ACSF3: variants seen among roughly 807,000 people sequenced by gnomAD.
ACSF3 encodes the protein acyl-CoA synthetase family member 3, also known as malonate--CoA ligase ACSF3, mitochondrial.
ACSF3 carries 78 observed loss-of-function variants against 53.2 expected under a neutral mutation model. That is an observed-to-expected ratio of 1.47 (90% confidence interval 1.22 to 1.77). ACSF3 has a LOEUF of 1.77. ACSF3 is among the 40% of genes most tolerant of loss of function. ACSF3 has a pLI of 0.00. For synonymous variants in ACSF3, 414 were observed against 333.1 expected (o/e 1.24, Z -2.65); for missense variants, 937 against 771.1 (o/e 1.22, Z -2.55).
intron 8 of ACSF3, among the ~76,000 whole-genome samples, chr16:89,138,283 T>C (rs1567735249): frequency 3.3e-5 from 5 of 152,316 alleles, no homozygotes; most frequent in Admixed American, 3.3e-4. Context: ...GCTGTTCCTG[T>C]AGCTGTCCCC....
At chr16:89,110,373 C>T (rs554045700) in intron 4 of ACSF3, among the ~76,000 whole-genome samples, 3 of 152,296 alleles carry the variant, frequency 2.0e-5, no homozygotes, top group African/African-American at 4.8e-5. Flanking sequence ...TGGAGATATT[C>T]AGTGTGTCAG....
At chr16:89,134,428 G>T (rs780742595) in intron 8 of ACSF3, among the ~76,000 whole-genome samples, 1 of 152,304 alleles carries the variant, frequency 6.6e-6, no homozygotes, top group South Asian at 2.1e-4. Flanking sequence ...TGGGTGCCTC[G>T]CTGGATCAGG....
rs1914599470 is a variant in ACSF3 at position 89,155,296 on chromosome 16, TGAAA to T, written c.*1092_*1095del. 2.2e-6 allele frequency: 1 copy of T among 453,850 alleles called. No individual in the cohort carries two copies. Among genetic ancestry groups the T allele is most frequent in the Non-Finnish European group, 4.4e-6 (1 of 226,646 alleles). The allele number at this position is 453,850 out of a possible 1,614,324, so 28.1% of individuals were successfully genotyped here. On this transcript the variant is annotated 3_prime_UTR_variant, in exon 11 of 11. Coordinates refer to ENST00000614302, the MANE Select transcript of ACSF3 (RefSeq NM_001243279.3). ...ACATTCTGCCCCCGGAATGCACGTC[TGAAA>T]GAGTGGCCAGAAACGAGTGTGCCGG...
intron 6 of ACSF3, 35 bp from the exon 7 acceptor site, chr16:89,120,766 C>A: frequency 6.2e-7 from 1 of 1,600,484 alleles, no homozygotes; most frequent in South Asian, 1.1e-5. Context: ...TCCTCTCACT[C>A]CAGCCTCCCC....
chr16:89,153,115 C>T (rs1198619250), intron 10 of ACSF3: 1 of 152,690 alleles, frequency 6.5e-6, no homozygotes, highest in Non-Finnish European at 1.5e-5. Flanking sequence ...CAAGAAACCA[C>T]GACACTTGGT....
intron 4 of ACSF3, among the ~76,000 whole-genome samples, chr16:89,107,868 G>C (rs1976198855): frequency 6.6e-6 from 1 of 152,082 alleles, no homozygotes; most frequent in African/African-American, 2.4e-5. Flanking sequence ...CCATTCTGCT[G>C]GTACCAATTT....
rs942570769 is a variant in ACSF3, at chr16:89,155,705, G to C, written c.*1498G>C. The C allele has an allele frequency of 6.6e-6, 3 of 454,138 alleles. No homozygotes were observed. The highest frequency in any genetic ancestry group is 8.8e-6 in the Non-Finnish European group (2 of 226,802). 28.1% of individuals were successfully genotyped at this position (454,138 alleles called of 1,614,324 possible). A position where few individuals can be genotyped will look rare whatever the true frequency, so the allele number is the denominator to read the frequency against. ...AGGCCTTGCTGGTAGCTAAGGAAAT[G>C]CCTTCTGTTGGGAAAAGGTCAAATT... On this transcript the variant is annotated 3_prime_UTR_variant, in exon 11 of 11. Transcript: ENST00000614302.
intron 4 of ACSF3, among the ~76,000 whole-genome samples, chr16:89,104,450 G>A (rs1280197156): frequency 4.6e-5 from 7 of 152,178 alleles, no homozygotes; most frequent in African/African-American, 1.4e-4. Flanking sequence ...CACACTCACC[G>A]CTCTTGCCAG....
Position 89,100,697 on chromosome 16 carries a change from G to C in ACSF3, c.16G>C (p.Val6Leu), listed in dbSNP as rs776314400. The C allele has an allele frequency of 5.2e-6, 8 of 1,548,408 alleles. No homozygotes were observed. Among genetic ancestry groups the C allele is most frequent in the African/African-American group, 4.8e-5 (3 of 62,834 alleles). MLPHV[V>L]LTFRRLGCAL... ...TGTCAGTGCAATGCTGCCCCATGTG[G>C]TGCTCACCTTCCGGCGCCTGGGCTG... Residue 6 changes from valine (V) to leucine (L), a missense_variant, in exon 3 of 11, where the codon GTG (valine) becomes CTG (leucine). Val to Leu is a conservative substitution (Grantham distance 32, BLOSUM62 1). Coordinates refer to ENST00000614302, the MANE Select transcript of ACSF3 (RefSeq NM_001243279.3).
chr16:89,128,283 G>A (rs1015499403), intron 7 of ACSF3, among the ~76,000 whole-genome samples: 1 of 148,606 alleles, frequency 6.7e-6, no homozygotes, highest in South Asian at 2.1e-4. Flanking sequence ...TTTTTGAGAC[G>A]GAGTTTCGCT....
At chr16:89,131,823 T>C (rs1044109397) in intron 7 of ACSF3, among the ~76,000 whole-genome samples, 8 of 152,278 alleles carry the variant, frequency 5.3e-5, no homozygotes, top group African/African-American at 1.9e-4. Flanking sequence ...ATAAAGTCCG[T>C]GGTTTCTTTG....
chr16:89,096,732 C>G lies in ACSF3; in HGVS notation c.-193-1859C>G, dbSNP rs1030889049. The stretch of plus-strand genomic sequence containing the variant: ...ACAGCTGTAGGTGCCAGGACTCCCC[C>G]CTTCCCTCGGCCGACTCTGGCTAGG... On this transcript the variant is annotated intron_variant, in intron 1 of 10. Transcript: ENST00000614302. 1.6e-4 allele frequency among the ~76,000 whole-genome samples: 25 copies of G among 152,336 alleles called. No homozygotes were observed. The South Asian group carries it at 2.3e-3, about 14-fold the overall frequency.
chr16:89,102,575 G>T, intron 3 of ACSF3, 29 bp from the exon 4 acceptor site: 2 of 1,612,458 alleles, frequency 1.2e-6, no homozygotes. Flanking sequence ...TCTTGCTCTT[G>T]CTCTCAGCTG....
Position 89,154,982 on chromosome 16 carries a change from C to A in ACSF3, c.*775C>A. The stretch of plus-strand genomic sequence containing the variant: ...CCCATCACCGTCTCCACCCAGACCC[C>A]CACCTGCCCCATGGCCCCCATTTCA... On this transcript the variant is annotated 3_prime_UTR_variant, in exon 11 of 11. Coordinates refer to ENST00000614302, the MANE Select transcript of ACSF3 (RefSeq NM_001243279.3). 1 of 454,110 alleles carries A rather than the reference C, an allele frequency of 2.2e-6. No individual in the cohort carries two copies. 28.1% of individuals were successfully genotyped at this position (454,110 alleles called of 1,614,324 possible).
intron 3 of ACSF3, among the ~76,000 whole-genome samples, chr16:89,102,039 T>G (rs1264503654): frequency 6.6e-6 from 1 of 152,228 alleles, no homozygotes; most frequent in Non-Finnish European, 1.5e-5. Context: ...TGCTTCTCCC[T>G]GGAGCCTGTG....
At chr16:89,121,656 G>A (rs1392739924) in intron 7 of ACSF3, among the ~76,000 whole-genome samples, 1 of 152,182 alleles carries the variant, frequency 6.6e-6, no homozygotes, top group African/African-American at 2.4e-5. Flanking sequence ...GTTGCCCTGA[G>A]GTTTTCAAAG....
chr16:89,139,002 A>C (rs1190117898), intron 8 of ACSF3, among the ~76,000 whole-genome samples: 1 of 152,122 alleles, frequency 6.6e-6, no homozygotes, highest in African/African-American at 2.4e-5. Context: ...CCGCATCCCG[A>C]GGGCCGCCAG....
chr16:89,114,465 G>T lies in ACSF3; in HGVS notation c.1104G>T (p.Leu368=). Residue 368 remains leucine, a synonymous_variant, in exon 6 of 11, where the codon CTG becomes CTT. Coordinates refer to ENST00000614302, the MANE Select transcript of ACSF3 (RefSeq NM_001243279.3). The stretch of plus-strand genomic sequence containing the variant: ...TCGGCATGGCTCTGTCCGGGCCCCT[G>T]ACCACTGCCGTGCGCCTGCCAGGTA... ...TEIGMALSGP[L]TTAVRLPGSV... is the part of the protein sequence containing the mutation. 6.2e-7 allele frequency: 1 copy of T among 1,612,976 alleles called. No homozygotes were observed. The highest frequency in any genetic ancestry group is 8.5e-7 in the Non-Finnish European group (1 of 1,179,982).
chr16:89,121,184 C>G (rs896552034), intron 7 of ACSF3, among the ~76,000 whole-genome samples: 1 of 152,262 alleles, frequency 6.6e-6, no homozygotes, highest in Non-Finnish European at 1.5e-5. Context: ...GGGCACACAG[C>G]TCCTCCCAGG....
Sources: allele counts gnomAD v4.1 joint callset (sites outside exome capture counted in the v4.1 genomes callset), GRCh38; gene constraint gnomAD v4.1.1; transcripts MANE v1.5; gene names NCBI Gene and HGNC (gene_info 2026-07-23, HGNC 2026-07-21).